WWOX: variants seen among roughly 807,000 people sequenced by gnomAD.
The protein encoded by WWOX is WW domain-containing oxidoreductase.
In WWOX, 69 loss-of-function variants were observed where a neutral mutation model predicts 46.2. The observed-to-expected ratio is 1.49, with a 90% CI of 1.23 to 1.82. The LOEUF (loss-of-function observed/expected upper bound fraction) is 1.82. Ranked by LOEUF, WWOX falls within the 40% of genes most tolerant of loss-of-function variation. The probability of loss-of-function intolerance (pLI) is 0.00; values close to 1 mark genes in which losing one functional copy is unlikely to be tolerated. For missense variants in WWOX, 919 were observed against 542.6 expected (o/e 1.69, Z -6.89); for synonymous variants, 359 against 202.6 (o/e 1.77, Z -6.56).
At chr16:78,759,036 T>C (rs138339034) in intron 8 of WWOX, among the ~76,000 whole-genome samples, 28 of 152,198 alleles carry the variant, frequency 1.8e-4, no homozygotes, top group African/African-American at 6.5e-4. Context: ...AACCTGGAAC[T>C]TCCCTTTCTA....
At chr16:78,433,629 A>T (rs1343555394) in intron 8 of WWOX, among the ~76,000 whole-genome samples, 1 of 152,172 alleles carries the variant, frequency 6.6e-6, no homozygotes, top group Non-Finnish European at 1.5e-5. Context: ...GACCTAGGAT[A>T]TTAATAAAAC....
chr16:79,086,563 C>T (rs1470577674), intron 8 of WWOX, among the ~76,000 whole-genome samples: 1 of 152,124 alleles, frequency 6.6e-6, no homozygotes, highest in African/African-American at 2.4e-5. Flanking sequence ...GAGTTAGAGA[C>T]CTGACTCTGG....
chr16:79,184,974 A>G (rs2050984568), intron 8 of WWOX, among the ~76,000 whole-genome samples: 1 of 152,220 alleles, frequency 6.6e-6, no homozygotes, highest in South Asian at 2.1e-4. Context: ...GTCTGTCCCT[A>G]GCACTGACAA....
chr16:78,158,098 C>G (rs1597283702), intron 4 of WWOX, among the ~76,000 whole-genome samples: 2 of 152,172 alleles, frequency 1.3e-5, no homozygotes, highest in Admixed American at 1.3e-4. Context: ...GAGTTTTCCT[C>G]TGTGCTATGC....
At chr16:78,412,124 C>T (rs557162966) in intron 6 of WWOX, among the ~76,000 whole-genome samples, 5 of 152,096 alleles carry the variant, frequency 3.3e-5, no homozygotes, top group African/African-American at 1.2e-4. Flanking sequence ...GGGGATGGCA[C>T]GGTATTTTAG....
intron 4 of WWOX, among the ~76,000 whole-genome samples, chr16:78,144,472 T>TATATATATATATATATATATATATACAC (rs1567596407): frequency 1.3e-4 from 4 of 30,504 alleles, no homozygotes; most frequent in East Asian, 1.4e-3. Flanking sequence ...TACACACATA[T>TATATATATATATATATATATATATACAC]ATATATATAT....
At chr16:78,792,256 A>G (rs142376429) in intron 8 of WWOX, among the ~76,000 whole-genome samples, 73 of 152,280 alleles carry the variant, frequency 4.8e-4, no homozygotes, top group African/African-American at 1.3e-3. Flanking sequence ...GAGTCTGGCA[A>G]TGGGGCTGGG....
chr16:78,368,508 C>T (rs1365660377), intron 5 of WWOX, among the ~76,000 whole-genome samples: 2 of 152,182 alleles, frequency 1.3e-5, no homozygotes, highest in African/African-American at 4.8e-5. Context: ...CATAAGGCTG[C>T]AAGCGCTAGA....
intron 5 of WWOX, among the ~76,000 whole-genome samples, chr16:78,376,293 G>A (rs75000248): frequency 6.6e-6 from 1 of 152,080 alleles, no homozygotes; most frequent in South Asian, 2.1e-4. Context: ...ATGTGGGGGC[G>A]GTTTTTAATG....
intron 8 of WWOX, among the ~76,000 whole-genome samples, chr16:78,894,581 C>T (rs781163979): frequency 6.6e-6 from 1 of 152,104 alleles, no homozygotes; most frequent in African/African-American, 2.4e-5. Context: ...AGATGGTTGT[C>T]TTCTTTTTTA....
At chr16:78,570,507 G>C (rs919344616) in intron 8 of WWOX, among the ~76,000 whole-genome samples, 1 of 151,962 alleles carries the variant, frequency 6.6e-6, no homozygotes, top group Non-Finnish European at 1.5e-5. Flanking sequence ...TAGAGATGCA[G>C]TATCGCTTGT....
intron 8 of WWOX, among the ~76,000 whole-genome samples, chr16:79,139,751 C>T (rs988953531): frequency 6.6e-6 from 1 of 152,120 alleles, no homozygotes; most frequent in African/African-American, 2.4e-5. Flanking sequence ...GCATCATGGG[C>T]AGAGGGGCAG....
intron 5 of WWOX, among the ~76,000 whole-genome samples, chr16:78,272,710 G>A (rs4531741): frequency 0.38 from 56,995 of 151,904 alleles, 10,940 homozygotes; most frequent in East Asian, 0.47. Flanking sequence ...TGTTCACAAC[G>A]TTCCCATTTT....
intron 8 of WWOX, among the ~76,000 whole-genome samples, chr16:78,635,914 G>C (rs6564570): frequency 6.6e-6 from 1 of 152,088 alleles, no homozygotes; most frequent in African/African-American, 2.4e-5. Context: ...AAAGTGCCTC[G>C]TATTATACAG....
At chr16:78,509,158 G>C (rs1233734225) in intron 8 of WWOX, among the ~76,000 whole-genome samples, 1 of 152,236 alleles carries the variant, frequency 6.6e-6, no homozygotes, top group Non-Finnish European at 1.5e-5. Flanking sequence ...ATTGAAGCTT[G>C]CCGGGCATGG....
intron 8 of WWOX, among the ~76,000 whole-genome samples, chr16:79,208,358 G>A (rs1310201559): frequency 6.8e-6 from 1 of 147,810 alleles, no homozygotes; most frequent in Non-Finnish European, 1.5e-5. Context: ...CAACCTACAG[G>A]CTTCTGATAA....
intron 8 of WWOX, among the ~76,000 whole-genome samples, chr16:78,566,428 T>A (rs553273690): frequency 6.6e-6 from 1 of 152,300 alleles, no homozygotes; most frequent in African/African-American, 2.4e-5. Flanking sequence ...GCTTTCTGAG[T>A]TCTGCCAAAA....
intron 8 of WWOX, chr16:79,206,467 T>TACTA (rs1305275430): frequency 2.6e-5 from 4 of 152,200 alleles, no homozygotes; most frequent in South Asian, 4.1e-4. Flanking sequence ...TAAATGGAAA[T>TACTA]ACTAACTGTC....
chr16:78,543,299 ACGTGGCCCTG>A, intron 8 of WWOX, among the ~76,000 whole-genome samples: 1 of 126,392 alleles, frequency 7.9e-6, no homozygotes, highest in South Asian at 3.5e-4. Flanking sequence ...TAGGCCAGTC[ACGTGGCCCTG>A]AAGAGGGTGG....
Sources: gnomAD v4.1 joint callset for allele counts (sites outside exome capture counted in the v4.1 genomes callset) on GRCh38, gnomAD v4.1.1 for gene constraint, MANE v1.5 for transcripts, NCBI Gene and HGNC (gene_info 2026-07-23, HGNC 2026-07-21) for gene names.